PACRG: variants seen among roughly 807,000 people sequenced by gnomAD.
The protein encoded by PACRG is parkin coregulated.
A neutral mutation model predicts 29.7 loss-of-function variants in PACRG; 29 were observed. That is an observed-to-expected ratio of 0.98 (90% confidence interval 0.73 to 1.33). The LOEUF is 1.33. Among genes scored for constraint, PACRG ranks in the 40% most tolerant of loss-of-function variants. The probability of loss-of-function intolerance (pLI) is 0.00; values close to 1 mark genes in which losing one functional copy is unlikely to be tolerated. For missense variants in PACRG, 279 were observed against 316.2 expected (o/e 0.88, Z 0.89); for synonymous variants, 116 against 118.7 (o/e 0.98, Z 0.15).
At chr6:163,201,888 C>T (rs996062968) in intron 4 of PACRG, among the ~76,000 whole-genome samples, 3 of 152,198 alleles carry the variant, frequency 2.0e-5, no homozygotes, top group Admixed American at 6.5e-5. Context: ...GGGAGAGAGA[C>T]CTGCCTTCCT....
intron 2 of PACRG, among the ~76,000 whole-genome samples, chr6:162,949,921 T>C (rs553512836): frequency 6.6e-6 from 1 of 152,168 alleles, no homozygotes; most frequent in East Asian, 1.9e-4. Flanking sequence ...TCTCCTAGGA[T>C]GTGGAACTGA....
At chr6:162,973,743 C>T (rs1801720516) in intron 2 of PACRG, among the ~76,000 whole-genome samples, 1 of 151,184 alleles carries the variant, frequency 6.6e-6, no homozygotes, top group Non-Finnish European at 1.5e-5. Flanking sequence ...TTGCATAAAA[C>T]CTTAAGAGTA....
intron 4 of PACRG, among the ~76,000 whole-genome samples, chr6:163,297,705 G>A (rs994654849): frequency 6.6e-6 from 1 of 152,142 alleles, no homozygotes; most frequent in South Asian, 2.1e-4. Context: ...ATGACTTTAT[G>A]TGTAGCCTCA....
chr6:162,749,666 A>T (rs1001089289), intron 1 of PACRG, among the ~76,000 whole-genome samples: 4 of 152,110 alleles, frequency 2.6e-5, no homozygotes, highest in Middle Eastern at 3.2e-3. Flanking sequence ...GACTACAGGC[A>T]TGCACCACCA....
At chr6:162,770,157 C>CAA (rs1298562889) in intron 1 of PACRG, among the ~76,000 whole-genome samples, 1 of 152,096 alleles carries the variant, frequency 6.6e-6, no homozygotes, top group Non-Finnish European at 1.5e-5. Flanking sequence ...ACTTGAATTC[C>CAA]ACAGATGCAA....
chr6:162,727,886 G>GC (rs554458446), upstream of PACRG: 156 of 596,084 alleles, frequency 2.6e-4, 1 homozygote, highest in African/African-American at 2.6e-3. Context: ...CCTGCCCCCA[G>GC]CCCCCCACCG....
intron 4 of PACRG, among the ~76,000 whole-genome samples, chr6:163,116,048 C>T (rs1024756465): frequency 4.6e-5 from 7 of 152,144 alleles, no homozygotes; most frequent in African/African-American, 1.7e-4. Context: ...AGGGAAACTT[C>T]CTGAGGGGTG....
intron 2 of PACRG, among the ~76,000 whole-genome samples, chr6:162,838,028 A>C (rs2128403115): frequency 6.6e-6 from 1 of 152,328 alleles, no homozygotes; most frequent in Admixed American, 6.5e-5. Flanking sequence ...AATGTAGGCA[A>C]GGAGGAAAAA....
rs1485230683 is a variant in PACRG, at chr6:163,315,100, T to C, written c.*113T>C. On this transcript the variant is annotated 3_prime_UTR_variant, in exon 5 of 5. Coordinates refer to ENST00000366888, the MANE Select transcript of PACRG (RefSeq NM_001080379.2). ...CCACAGCTTTCTTTTCTACAGCTGC[T>C]AAAATAGTGGCTTATGGGCCATTGG... The C allele has an allele frequency of 1.5e-6, 2 of 1,291,594 alleles. No individual in the cohort carries two copies. Among genetic ancestry groups the C allele is most frequent in the African/African-American group, 3.0e-5 (2 of 67,290 alleles). 80.0% of individuals were successfully genotyped at this position (1,291,594 alleles called of 1,614,324 possible).
chr6:163,034,821 G>A (rs115620086), intron 2 of PACRG, among the ~76,000 whole-genome samples: 4,414 of 152,256 alleles, frequency 0.029, 216 homozygotes, highest in African/African-American at 0.1. Flanking sequence ...TGGACCTCGC[G>A]CAAGAAAGAA....
chr6:163,190,752 C>CGCCGTA, intron 4 of PACRG: 1 of 288,316 alleles, frequency 3.5e-6, no homozygotes, highest in South Asian at 3.4e-5. Context: ...AGGGCTCTTT[C>CGCCGTA]TCTTATACCA....
intron 4 of PACRG, among the ~76,000 whole-genome samples, chr6:163,249,050 G>C (rs1408678249): frequency 1.3e-5 from 2 of 148,242 alleles, no homozygotes; most frequent in Non-Finnish European, 3.0e-5. Context: ...ACAAAGCTGA[G>C]AATCTGGTTT....
intron 2 of PACRG, among the ~76,000 whole-genome samples, chr6:162,968,012 T>C (rs187848279): frequency 1.3e-5 from 2 of 152,334 alleles, no homozygotes; most frequent in South Asian, 4.1e-4. Context: ...TAAAGAATAT[T>C]TTTGTTCAGC....
intron 4 of PACRG, among the ~76,000 whole-genome samples, chr6:163,216,337 A>G (rs975596055): frequency 6.6e-6 from 1 of 152,224 alleles, no homozygotes; most frequent in African/African-American, 2.4e-5. Flanking sequence ...CACATCACCA[A>G]GGAAACCAAG....
chr6:163,059,171 T>C (rs1184253573), intron 2 of PACRG, among the ~76,000 whole-genome samples: 1 of 152,174 alleles, frequency 6.6e-6, no homozygotes, highest in Non-Finnish European at 1.5e-5. Context: ...TTGGAGGATA[T>C]GAAGATGTAG....
At chr6:162,763,069 T>G (rs1471245821) in intron 1 of PACRG, among the ~76,000 whole-genome samples, 1 of 152,208 alleles carries the variant, frequency 6.6e-6, no homozygotes, top group Non-Finnish European at 1.5e-5. Flanking sequence ...TTTTAGGACT[T>G]GCCTCACACA....
At chr6:162,907,622 A>G (rs749648762) in intron 2 of PACRG, among the ~76,000 whole-genome samples, 1 of 152,134 alleles carries the variant, frequency 6.6e-6, no homozygotes, top group Non-Finnish European at 1.5e-5. Context: ...CAAATAACAT[A>G]AAGACCTATG....
At chr6:163,238,920 G>A (rs1463302862) in intron 4 of PACRG, among the ~76,000 whole-genome samples, 2 of 152,116 alleles carry the variant, frequency 1.3e-5, no homozygotes, top group East Asian at 1.9e-4. Context: ...CTTTTGGCGT[G>A]TAATCACCCA....
chr6:162,947,595 C>CATATATATATAATCATATAT (rs1799253594), intron 2 of PACRG, among the ~76,000 whole-genome samples: 15 of 27,994 alleles, frequency 5.4e-4, no homozygotes, highest in African/African-American at 1.6e-3. Context: ...TATATATAAT[C>CATATATATATAATCATATAT]ATATATATAT....
Sources: allele counts gnomAD v4.1 joint callset (sites outside exome capture counted in the v4.1 genomes callset), GRCh38; gene constraint gnomAD v4.1.1; transcripts MANE v1.5; gene names NCBI Gene and HGNC (gene_info 2026-07-23, HGNC 2026-07-21).